NUP155: variants seen among roughly 807,000 people sequenced by gnomAD.
The protein encoded by NUP155 is nucleoporin 155, also known as nuclear pore complex protein Nup155.
Under a neutral mutation model 180.4 loss-of-function variants are expected in NUP155, and 71 were observed. The ratio of observed to expected loss-of-function variants is 0.39; its 90% CI spans 0.33 to 0.48. The LOEUF is 0.48. Ranked by LOEUF, NUP155 falls within the 20% of genes least tolerant of loss-of-function variation. NUP155 has a pLI of 0.91. For missense variants in NUP155, 1,553 were observed against 1,648.9 expected, an observed-to-expected ratio of 0.94 and a Z score of 1.01; for synonymous variants, 582 against 559.5, an observed-to-expected ratio of 1.04 and a Z score of -0.57.
At position 37,288,493 on chromosome 5, in the gene NUP155, T is replaced by C; in HGVS notation, c.*3407A>G. ...ACCGTTTTGCCATACTACAATGATCTAGTTAAAATACAAATTTCACAACTT... is the reference window on the plus strand; with the variant it reads ...ACCGTTTTGCCATACTACAATGATCCAGTTAAAATACAAATTTCACAACTT... On this transcript the variant is annotated 3_prime_UTR_variant, in exon 35 of 35. Coordinates refer to ENST00000231498, the MANE Select transcript of NUP155 (RefSeq NM_153485.3). 6.6e-6 allele frequency: 1 copy of C among 152,210 alleles called. No homozygotes were observed. Among genetic ancestry groups the C allele is most frequent in the East Asian group, 1.9e-4 (1 of 5,200 alleles). The allele number at this position is 152,210 out of a possible 1,614,324, so 9.4% of individuals were successfully genotyped here. A position where few individuals can be genotyped will look rare whatever the true frequency, so the allele number is the denominator to read the frequency against.
intron 9 of NUP155, among the ~76,000 whole-genome samples, chr5:37,346,168 C>T (rs1746069675): frequency 6.6e-6 from 1 of 151,872 alleles, no homozygotes; most frequent in African/African-American, 2.4e-5. Context: ...GTCATAGCTA[C>T]TCAGGAAGCT....
intron 22 of NUP155, among the ~76,000 whole-genome samples, chr5:37,310,965 A>G (rs181448582): frequency 3.3e-5 from 5 of 152,322 alleles, no homozygotes; most frequent in African/African-American, 1.2e-4. Context: ...CTCACTTTCC[A>G]AATGAGAAAA....
At position 37,345,281 on chromosome 5, in the gene NUP155, G is replaced by A. The variant is rs151166033; in HGVS notation, c.996-2635C>T. Among the ~76,000 whole-genome samples the A allele has an allele frequency of 5.4e-3, 806 of 150,324 alleles. 4 individuals carry two copies. Among genetic ancestry groups the A allele is most frequent in the African/African-American group, 0.016 (652 of 40,924 alleles). The stretch of plus-strand genomic sequence containing the variant: ...AGCACTTTGAGAGGCTGAGACATGC[G>A]GATTGCTTGACCTCAGGAGTTCAAG... On this transcript the variant is annotated intron_variant, in intron 9 of 34. Transcript: ENST00000231498.
At chr5:37,299,364 C>T in intron 31 of NUP155, 84 bp downstream of exon 31, 2 of 1,515,922 alleles carry the variant, frequency 1.3e-6, no homozygotes. Flanking sequence ...TAGCAGCTTG[C>T]ATTATATTAG....
intron 3 of NUP155, 62 bp downstream of exon 3, chr5:37,363,826 G>C: frequency 9.3e-7 from 1 of 1,078,462 alleles, no homozygotes; most frequent in Non-Finnish European, 1.4e-6. Context: ...GAGAACACTA[G>C]CTACAGTAAA....
chr5:37,355,007 G>T (rs554665196), intron 4 of NUP155, among the ~76,000 whole-genome samples: 4 of 151,678 alleles, frequency 2.6e-5, no homozygotes, highest in Admixed American at 2.6e-4. Context: ...CAGAAGAATC[G>T]CTTGAACCCG....
At chr5:37,358,031 G>C in intron 4 of NUP155, 50 bp downstream of exon 4, 2 of 1,243,448 alleles carry the variant, frequency 1.6e-6, no homozygotes, top group South Asian at 2.4e-5. Context: ...TATACCATTT[G>C]GAGTTTACAT....
intron 12 of NUP155, among the ~76,000 whole-genome samples, chr5:37,337,503 T>C (rs1328799597): frequency 6.6e-6 from 1 of 152,106 alleles, no homozygotes; most frequent in Non-Finnish European, 1.5e-5. Flanking sequence ...TAAAGATCAT[T>C]TCATATGAAC....
chr5:37,325,347 T>C (rs1744522077), intron 19 of NUP155, among the ~76,000 whole-genome samples: 1 of 152,208 alleles, frequency 6.6e-6, no homozygotes, highest in Non-Finnish European at 1.5e-5. Context: ...CCCCTTCTTT[T>C]ACCATGAGGT....
chr5:37,336,675 T>A (rs568861655), intron 12 of NUP155, among the ~76,000 whole-genome samples: 2 of 152,216 alleles, frequency 1.3e-5, no homozygotes, highest in East Asian at 3.9e-4. Context: ...ATCCTCATAG[T>A]TTATCACAGC....
At position 37,329,179 on chromosome 5, in the gene NUP155, T is replaced by C; in HGVS notation, c.1813+11A>G. 6.3e-7 allele frequency: 1 copy of C among 1,589,342 alleles called. No homozygotes were observed. Among genetic ancestry groups the C allele is most frequent in the Non-Finnish European group, 8.6e-7 (1 of 1,157,460 alleles). ...ATTAGAAACAATTTCATTTCAATGT[T>C]CCATACTCACTAGAATAGACAGGAG... is the stretch of plus-strand genomic sequence containing the variant. On this transcript the variant is annotated intron_variant, in intron 16 of 34. Coordinates refer to ENST00000231498, the MANE Select transcript of NUP155 (RefSeq NM_153485.3).
intron 22 of NUP155, 121 bp downstream of exon 22, chr5:37,314,077 A>G: frequency 1.3e-6 from 1 of 751,438 alleles, no homozygotes; most frequent in Non-Finnish European, 2.2e-6. Flanking sequence ...TTCCCATAAC[A>G]TACTAACTTC....
chr5:37,345,470 C>A, intron 9 of NUP155, among the ~76,000 whole-genome samples: 1 of 142,738 alleles, frequency 7.0e-6, no homozygotes, highest in Non-Finnish European at 1.5e-5. Context: ...ACGATCGCAC[C>A]ACTGTACTCC....
intron 23 of NUP155, chr5:37,309,685 C>T (rs1486247042): frequency 5.9e-6 from 1 of 170,876 alleles, no homozygotes. Flanking sequence ...CCCTAAATTT[C>T]CTTAATTTCT....
intron 4 of NUP155, among the ~76,000 whole-genome samples, chr5:37,356,713 CTGA>C: frequency 6.6e-6 from 1 of 151,534 alleles, no homozygotes; most frequent in East Asian, 2.0e-4. Context: ...CTCAGTAACC[CTGA>C]TAAGAGATTT....
At chr5:37,322,537 C>A (rs934560239) in intron 20 of NUP155, among the ~76,000 whole-genome samples, 2 of 152,058 alleles carry the variant, frequency 1.3e-5, no homozygotes, top group Non-Finnish European at 2.9e-5. Context: ...GAAACCCAGT[C>A]TCTACTAAAA....
rs998249912 is a variant in NUP155 at position 37,288,546 on chromosome 5, C to T, written c.*3354G>A. 7.9e-5 allele frequency: 12 copies of T among 151,996 alleles called. No individual in the cohort carries two copies. Among genetic ancestry groups the T allele is most frequent in the African/African-American group, 2.4e-4 (10 of 41,384 alleles). The allele number at this position is 151,996 out of a possible 1,614,324, so 9.4% of individuals were successfully genotyped here. ...ATGATTCTTCACTGCCCACAATTAACGCACTGTTTCATAGACTATGTTCTA... is the reference window on the plus strand; with the variant it reads ...ATGATTCTTCACTGCCCACAATTAATGCACTGTTTCATAGACTATGTTCTA... On this transcript the variant is annotated 3_prime_UTR_variant, in exon 35 of 35. Coordinates refer to ENST00000231498, the MANE Select transcript of NUP155 (RefSeq NM_153485.3).
chr5:37,354,887 T>C (rs1746712500), intron 4 of NUP155, among the ~76,000 whole-genome samples: 2 of 151,286 alleles, frequency 1.3e-5, no homozygotes, highest in African/African-American at 4.9e-5. Context: ...AGGTCAGGAG[T>C]TCGAGACCAG....
chr5:37,289,993 A>C lies in NUP155; in HGVS notation c.*1907T>G, dbSNP rs898631807. ...GAGTGACGTTCTGGCATTCTATTAA[A>C]TATTCTACATTAGAAGATTATAGGG... On this transcript the variant is annotated 3_prime_UTR_variant, in exon 35 of 35. Coordinates refer to ENST00000231498, the MANE Select transcript of NUP155 (RefSeq NM_153485.3). The C allele has an allele frequency of 2.0e-5, 3 of 152,244 alleles. No homozygotes were observed. The highest frequency in any genetic ancestry group is 2.0e-4 in the Admixed American group (3 of 15,276). 9.4% of individuals were successfully genotyped at this position (152,244 alleles called of 1,614,324 possible). A position where few individuals can be genotyped will look rare whatever the true frequency, so the allele number is the denominator to read the frequency against.
Sources: gnomAD v4.1 joint callset for allele counts (sites outside exome capture counted in the v4.1 genomes callset) on GRCh38, gnomAD v4.1.1 for gene constraint, MANE v1.5 for transcripts, NCBI Gene and HGNC (gene_info 2026-07-23, HGNC 2026-07-21) for gene names.